PTPRN2: variants seen among roughly 807,000 people sequenced by gnomAD.
PTPRN2 encodes protein tyrosine phosphatase receptor type N2.
A neutral mutation model predicts 118.8 loss-of-function variants in PTPRN2; 74 were observed. That is an observed-to-expected ratio of 0.62 (90% CI 0.52 to 0.76). PTPRN2 has a LOEUF of 0.76. Among genes scored for constraint, PTPRN2 ranks in the 30% least tolerant of loss-of-function variants. PTPRN2 has a pLI of 0.00. For missense variants in PTPRN2, 1,481 were observed against 1,394.4 expected, an observed-to-expected ratio of 1.06 and a Z score of -0.99; for synonymous variants, 641 against 608.0, an observed-to-expected ratio of 1.05 and a Z score of -0.80.
At chr7:158,155,517 TCAC>T (rs1821650415) in intron 6 of PTPRN2, among the ~76,000 whole-genome samples, 2 of 122,852 alleles carry the variant, frequency 1.6e-5, no homozygotes, top group Admixed American at 8.3e-5. Flanking sequence ...AATGCCATCA[TCAC>T]CATCACCATC....
At chr7:158,027,081 C>G (rs575575260) in intron 11 of PTPRN2, among the ~76,000 whole-genome samples, 22 of 152,324 alleles carry the variant, frequency 1.4e-4, no homozygotes, top group Admixed American at 1.2e-3. Flanking sequence ...CAGGCAGGTC[C>G]GGGGTCCTAG....
chr7:158,465,170 G>C (rs1819302417), intron 2 of PTPRN2, among the ~76,000 whole-genome samples: 1 of 152,206 alleles, frequency 6.6e-6, no homozygotes, highest in Non-Finnish European at 1.5e-5. Flanking sequence ...GAGATACTAA[G>C]AGTGCCCATC....
At chr7:157,577,511 C>A (rs1430382712) in intron 18 of PTPRN2, among the ~76,000 whole-genome samples, 1 of 152,094 alleles carries the variant, frequency 6.6e-6, no homozygotes, top group Admixed American at 6.5e-5. Context: ...AGCAGGTTAT[C>A]CTCAAATAAA....
intron 3 of PTPRN2, among the ~76,000 whole-genome samples, chr7:158,270,873 CCTCCACCTGG>C (rs1798373805): frequency 1.2e-5 from 1 of 84,138 alleles, no homozygotes; most frequent in Non-Finnish European, 2.3e-5. Flanking sequence ...TGGACCGCCC[CCTCCACCTGG>C]ATGACCCCCT....
intron 6 of PTPRN2, among the ~76,000 whole-genome samples, chr7:158,146,979 T>C (rs1563510400): frequency 2.6e-4 from 25 of 96,220 alleles, no homozygotes; most frequent in East Asian, 9.5e-4. Flanking sequence ...ACGCCACGTG[T>C]CTTTCCCCCT....
At chr7:157,582,503 A>G (rs1800447823) in intron 17 of PTPRN2, among the ~76,000 whole-genome samples, 1 of 152,122 alleles carries the variant, frequency 6.6e-6, no homozygotes, top group South Asian at 2.1e-4. Context: ...GGGGATGGCA[A>G]GTGTTGGAGA....
Position 158,441,288 on chromosome 7 carries a change from G to A in PTPRN2, c.163+48447C>T, listed in dbSNP as rs868601829. Among the ~76,000 whole-genome samples, 50 of 101,508 alleles carry A rather than the reference G, an allele frequency of 4.9e-4. 2 individuals carry two copies. Among genetic ancestry groups the A allele is most frequent in the Admixed American group, 1.9e-3 (19 of 9,880 alleles). The allele number at this position is 101,508 out of a possible 152,430, so 66.6% of individuals were successfully genotyped here. On this transcript the variant is annotated intron_variant, in intron 2 of 22. Transcript: ENST00000389418. The stretch of plus-strand genomic sequence containing the variant: ...GGTGATAGTGATGGTGATGGTGGTG[G>A]TGGTGATGGTGATAGTAATGGTGAT...
At chr7:157,731,071 A>C (rs147082199) in intron 12 of PTPRN2, among the ~76,000 whole-genome samples, 10 of 151,796 alleles carry the variant, frequency 6.6e-5, no homozygotes, top group East Asian at 1.9e-4. Flanking sequence ...ATTCAAGTAA[A>C]CCCCCTGCAG....
At chr7:157,910,077 A>G (rs1245376178) in intron 11 of PTPRN2, among the ~76,000 whole-genome samples, 3 of 152,256 alleles carry the variant, frequency 2.0e-5, no homozygotes, top group Non-Finnish European at 4.4e-5. Flanking sequence ...GTTTTGAACT[A>G]AAGAGCCAAC....
chr7:157,573,586 G>T (rs977199911), intron 19 of PTPRN2, among the ~76,000 whole-genome samples: 2 of 152,216 alleles, frequency 1.3e-5, no homozygotes, highest in East Asian at 1.9e-4. Context: ...CTTTAAGAAA[G>T]TGTGCTGGTT....
At chr7:157,715,271 C>A (rs1010223131) in intron 12 of PTPRN2, among the ~76,000 whole-genome samples, 3 of 152,174 alleles carry the variant, frequency 2.0e-5, no homozygotes, top group Admixed American at 2.0e-4. Flanking sequence ...ATGAATGAGG[C>A]CCAGGGAGTG....
chr7:157,750,719 G>A (rs147940712), intron 12 of PTPRN2, among the ~76,000 whole-genome samples: 21 of 152,358 alleles, frequency 1.4e-4, no homozygotes, highest in African/African-American at 4.1e-4. Flanking sequence ...CTCCAGTGTC[G>A]AGTACCCAGT....
At chr7:158,491,833 C>T (rs1048749376) in intron 1 of PTPRN2, among the ~76,000 whole-genome samples, 6 of 152,220 alleles carry the variant, frequency 3.9e-5, no homozygotes, top group Non-Finnish European at 1.5e-5. Flanking sequence ...GCTAACCCCA[C>T]ATTCAGTCTG....
intron 2 of PTPRN2, among the ~76,000 whole-genome samples, chr7:158,363,691 C>T (rs1809191768): frequency 2.0e-5 from 3 of 152,194 alleles, no homozygotes; most frequent in African/African-American, 7.2e-5. Flanking sequence ...TCCCAGGGCG[C>T]TCGGCCCCCA....
rs1802172748 is a variant in PTPRN2, at chr7:157,609,032, T to C, written c.2345-4957A>G. 6.6e-6 allele frequency among the ~76,000 whole-genome samples: 1 copy of C among 152,234 alleles called. No homozygotes were observed. Among genetic ancestry groups the C allele is most frequent in the South Asian group, 2.1e-4 (1 of 4,836 alleles). ...ATGTCATTGGGTTAAATTAACCCAC[T>C]GTGCACGTTCCTTTTCTGACCCTTT... On this transcript the variant is annotated intron_variant, in intron 15 of 22. Transcript: ENST00000389418. The surrounding 1 kb of genome is among the most constrained non-coding windows in gnomAD (Gnocchi z 4.9).
At chr7:157,887,088 G>C (rs1234869802) in intron 12 of PTPRN2, among the ~76,000 whole-genome samples, 2 of 150,656 alleles carry the variant, frequency 1.3e-5, no homozygotes, top group Non-Finnish European at 3.0e-5. Context: ...GCCTGTCCTG[G>C]GGCATTTGAG....
Position 158,587,568 on chromosome 7 carries a change from C to A in PTPRN2, c.102G>T (p.Pro34=). The change falls in exon 1 of 23, where the codon CCG becomes CCT. Residue 34 remains proline (P), a synonymous_variant. Transcript: ENST00000389418. Reference sequence around the variant, plus strand: ...GCGCCCCCCACTCACCCAGACGCCCCGGGAGCTGCCGGCCGCGGGGGACGG... The same window carrying A: ...GCGCCCCCCACTCACCCAGACGCCCAGGGAGCTGCCGGCCGCGGGGGACGG... ...PSSVPRGRQL[P]GRLGCLLEEG... is the part of the protein sequence containing the mutation. The A allele has an allele frequency of 1.5e-6, 2 of 1,334,804 alleles. No homozygotes were observed. The highest frequency in any genetic ancestry group is 3.9e-5 in the Admixed American group (1 of 25,870). The allele number at this position is 1,334,804 out of a possible 1,614,324, so 82.7% of individuals were successfully genotyped here.
intron 1 of PTPRN2, among the ~76,000 whole-genome samples, chr7:158,542,657 T>A (rs538271714): frequency 2.0e-5 from 3 of 152,332 alleles, no homozygotes; most frequent in Non-Finnish European, 2.9e-5. Flanking sequence ...TCCCTCTCTG[T>A]CAAAAACTCT....
At position 157,806,559 on chromosome 7, in the gene PTPRN2, CAT is replaced by C. The variant is rs200797279; in HGVS notation, c.1788+92112_1788+92113del. On this transcript the variant is annotated intron_variant, in intron 12 of 22. Coordinates refer to ENST00000389418, the MANE Select transcript of PTPRN2 (RefSeq NM_002847.5). ...GTGTGTATGTATGTATACATAGATG[CAT>C]ATGTGTGTATACATGTATATGCGTG... Among the ~76,000 whole-genome samples the C allele has an allele frequency of 6.1e-3, 926 of 152,156 alleles. 5 individuals are homozygous for C. Among genetic ancestry groups the C allele is most frequent in the African/African-American group, 0.021 (863 of 41,488 alleles).
Sources: gnomAD v4.1 joint callset for allele counts (sites outside exome capture counted in the v4.1 genomes callset) on GRCh38, gnomAD v4.1.1 for gene constraint, Gnocchi (gnomAD v3.1) non-coding constraint, MANE v1.5 for transcripts, NCBI Gene and HGNC (gene_info 2026-07-23, HGNC 2026-07-21) for gene names.